The following DCK variants were observed in gnomAD, a reference collection of about 807,000 sequenced individuals.
DCK encodes deoxycytidine kinase, also known as deoxyadenosine kinase.
DCK carries 23 observed loss-of-function variants against 38.3 expected under a neutral mutation model. The observed-to-expected ratio is 0.60, with a 90% CI of 0.43 to 0.85. The LOEUF (loss-of-function observed/expected upper bound fraction) is 0.85. Ranked by LOEUF, DCK falls within the 40% of genes least tolerant of loss-of-function variation. The pLI is 0.00. For missense variants in DCK, 259 were observed against 304.4 expected, an observed-to-expected ratio of 0.85 and a Z score of 1.11; for synonymous variants, 108 against 100.6, an observed-to-expected ratio of 1.07 and a Z score of -0.44.
chr4:71,021,979 G>T (rs1025025338), intron 2 of DCK, among the ~76,000 whole-genome samples: 2 of 152,064 alleles, frequency 1.3e-5, no homozygotes, highest in African/African-American at 4.8e-5. Context: ...TCCAGCTGGG[G>T]CAACAGAGCA....
chr4:71,022,360 A>C lies in DCK; in HGVS notation c.208-7A>C, dbSNP rs767404834. On this transcript the variant is annotated splice_polypyrimidine_tract_variant and splice_region_variant and intron_variant, in intron 2 of 6. Coordinates refer to ENST00000286648, the MANE Select transcript of DCK (RefSeq NM_000788.3). ...GCTTTTTATTTCTTTTTGCACATTC[A>C]AAATAGGAACTTACAATGTCTCAGA... The C allele has an allele frequency of 6.8e-7, 1 of 1,481,046 alleles. No homozygotes were observed. Among genetic ancestry groups the C allele is most frequent in the East Asian group, 2.5e-5 (1 of 40,132 alleles). The allele number at this position is 1,481,046 out of a possible 1,614,324, so 91.7% of individuals were successfully genotyped here.
At chr4:70,995,595 C>A (rs2148911099) in intron 1 of DCK, among the ~76,000 whole-genome samples, 1 of 152,138 alleles carries the variant, frequency 6.6e-6, no homozygotes, top group African/African-American at 2.4e-5. Flanking sequence ...AGAAACAAAA[C>A]AGTAAAGTTG....
intron 2 of DCK, among the ~76,000 whole-genome samples, chr4:71,012,813 G>A (rs1435546323): frequency 6.6e-6 from 1 of 152,138 alleles, no homozygotes; most frequent in East Asian, 1.9e-4. Context: ...ACAAAGATAG[G>A]GAAAAACAGA....
At chr4:71,011,944 TTAA>T (rs1740099450) in intron 2 of DCK, among the ~76,000 whole-genome samples, 1 of 152,214 alleles carries the variant, frequency 6.6e-6, no homozygotes, top group South Asian at 2.1e-4. Flanking sequence ...CATAGTTGAA[TTAA>T]TAATGTAATA....
At chr4:71,012,007 A>G (rs970209642) in intron 2 of DCK, among the ~76,000 whole-genome samples, 1 of 152,238 alleles carries the variant, frequency 6.6e-6, no homozygotes, top group African/African-American at 2.4e-5. Context: ...ATTATAAAGT[A>G]ATACCTGTTT....
chr4:71,015,726 C>T (rs1047668969), intron 2 of DCK, among the ~76,000 whole-genome samples: 9 of 152,084 alleles, frequency 5.9e-5, no homozygotes, highest in African/African-American at 9.7e-5. Flanking sequence ...TTTGACAAAA[C>T]TCAACAACCC....
At chr4:70,994,892 C>G (rs980408073) in intron 1 of DCK, among the ~76,000 whole-genome samples, 1 of 152,304 alleles carries the variant, frequency 6.6e-6, no homozygotes, top group African/African-American at 2.4e-5. Context: ...ACGTCCGATT[C>G]TTCTGTATCT....
chr4:71,029,287 A>G (rs1281344905), intron 6 of DCK, 65 bp from the exon 7 acceptor site: 1 of 1,060,096 alleles, frequency 9.4e-7, no homozygotes, highest in Non-Finnish European at 1.4e-6. Context: ...TTAAATGAAG[A>G]TGAATATTAG....
intron 1 of DCK, among the ~76,000 whole-genome samples, chr4:70,996,360 G>A (rs889439452): frequency 6.6e-6 from 1 of 152,072 alleles, no homozygotes; most frequent in African/African-American, 2.4e-5. Flanking sequence ...GAGACCCTGT[G>A]TCTAAAGAAA....
At chr4:71,024,467 T>G (rs550794512) in intron 4 of DCK, among the ~76,000 whole-genome samples, 2 of 152,274 alleles carry the variant, frequency 1.3e-5, no homozygotes, top group African/African-American at 4.8e-5. Context: ...CTATTGTTTC[T>G]GTTTTTTAAT....
chr4:71,022,466 A>G lies in DCK; in HGVS notation c.307A>G (p.Ser103Gly). Residue 103 changes from serine (S) to glycine (G), a missense_variant, in exon 3 of 7, where the codon AGT becomes GGT. This residue lies in a region of DCK where 159 missense variants were observed against 159.0 expected (regional missense o/e 1.00). Transcript: ENST00000286648. ...TACCTTCCAAACATATGCCTGTCTCAGTCGAATAAGAGCTCAGCTTGCCTC... is the reference window on the plus strand; with the variant it reads ...TACCTTCCAAACATATGCCTGTCTCGGTCGAATAAGAGCTCAGCTTGCCTC... ...SFTFQTYACL[S>G]RIRAQLASLN... The G allele has an allele frequency of 6.2e-7, 1 of 1,610,968 alleles. No individual in the cohort carries two copies. The highest frequency in any genetic ancestry group is 8.5e-7 in the Non-Finnish European group (1 of 1,178,764).
At chr4:71,002,252 T>TCAGTTTCCATGTAGTTGTG (rs1739822533) in intron 2 of DCK, among the ~76,000 whole-genome samples, 1 of 152,108 alleles carries the variant, frequency 6.6e-6, no homozygotes, top group Admixed American at 6.5e-5. Context: ...CAGGAGTTGT[T>TCAGTTTCCATGTAGTTGTG]CAGTTTCCAT....
intron 6 of DCK, among the ~76,000 whole-genome samples, chr4:71,027,688 G>A (rs191330628): frequency 0.01 from 1,593 of 152,122 alleles, 13 homozygotes; most frequent in South Asian, 0.029. Flanking sequence ...CTACTGTAGC[G>A]TATACATGTA....
chr4:71,003,850 T>C (rs1406603487), intron 2 of DCK, among the ~76,000 whole-genome samples: 2 of 152,224 alleles, frequency 1.3e-5, no homozygotes, highest in Admixed American at 1.3e-4. Context: ...TAGTTAGCAG[T>C]TCCTGTAACC....
chr4:71,010,145 G>A (rs909848586), intron 2 of DCK, among the ~76,000 whole-genome samples: 2 of 147,756 alleles, frequency 1.4e-5, no homozygotes, highest in Non-Finnish European at 3.0e-5. Context: ...GCACCCATAT[G>A]CTTAGCTTTT....
chr4:71,028,505 G>A, intron 6 of DCK: 1 of 323,996 alleles, frequency 3.1e-6, no homozygotes, highest in Non-Finnish European at 6.0e-6. Context: ...AGCTTTGATT[G>A]CACCACTGTA....
At chr4:71,021,066 CTTTTT>C (rs34109101) in intron 2 of DCK, among the ~76,000 whole-genome samples, 6 of 86,002 alleles carry the variant, frequency 7.0e-5, no homozygotes, top group South Asian at 4.2e-4. Flanking sequence ...GATGCTATTT[CTTTTT>C]TTTTTTTTTT....
At chr4:71,018,188 G>A (rs1193842721) in intron 2 of DCK, among the ~76,000 whole-genome samples, 2 of 145,170 alleles carry the variant, frequency 1.4e-5, no homozygotes, top group Non-Finnish European at 3.0e-5. Context: ...GTGCAGTGGC[G>A]CCATCTCAAC....
At chr4:71,011,605 G>C (rs1275989694) in intron 2 of DCK, among the ~76,000 whole-genome samples, 1 of 152,116 alleles carries the variant, frequency 6.6e-6, no homozygotes, top group East Asian at 1.9e-4. Flanking sequence ...CAATCCGCCT[G>C]CCTCGGCCTC....
Sources: allele counts gnomAD v4.1 joint callset (sites outside exome capture counted in the v4.1 genomes callset), GRCh38; gene constraint gnomAD v4.1.1; regional missense constraint gnomAD v4.1.1; transcripts MANE v1.5; gene names NCBI Gene and HGNC (gene_info 2026-07-23, HGNC 2026-07-21).